Variants in USP25 observed in about 807,000 individuals in gnomAD.
The protein encoded by USP25 is ubiquitin carboxyl-terminal hydrolase 25.
USP25 carries 85 observed loss-of-function variants against 158.5 expected under a neutral mutation model. The observed-to-expected ratio is 0.54, with a 90% CI of 0.45 to 0.64. The LOEUF is 0.64. USP25 is among the 30% of genes least tolerant of loss of function. The pLI, the probability that USP25 is intolerant of heterozygous loss-of-function variation, is 0.00. For synonymous variants in USP25, 464 were observed against 460.4 expected (o/e 1.01, Z -0.10); for missense variants, 1,242 against 1,327.3 (o/e 0.94, Z 1.00).
chr21:15,808,759 A>ATTTT, intron 7 of USP25, 50 bp from the exon 8 acceptor site: 1 of 1,219,854 alleles, frequency 8.2e-7, no homozygotes. Context: ...AACATCTAGT[A>ATTTT]TTTTTTTTTT....
rs2297249 is a variant in USP25 at position 15,874,655 on chromosome 21, G to A, written c.3009+129G>A. 2.5e-4 allele frequency: 214 copies of A among 869,548 alleles called. No homozygotes were observed. The East Asian group carries it at 5.7e-3, about 23-fold the overall frequency. 53.9% of individuals were successfully genotyped at this position (869,548 alleles called of 1,614,324 possible). ...AGAACATGATGATGTCTATAAACTG[G>A]TTCTAGTCCCTTCAGATGGAAAAGT... On this transcript the variant is annotated intron_variant, in intron 24 of 25. Transcript: ENST00000400183.
intron 17 of USP25, 63 bp from the exon 18 acceptor site, chr21:15,842,335 A>G: frequency 6.6e-7 from 1 of 1,505,932 alleles, no homozygotes; most frequent in Non-Finnish European, 8.9e-7. Context: ...TGAATAAAAG[A>G]TTTATCTTAG....
intron 18 of USP25, among the ~76,000 whole-genome samples, chr21:15,847,176 G>A (rs1568884204): frequency 1.3e-5 from 2 of 152,142 alleles, no homozygotes; most frequent in Non-Finnish European, 2.9e-5. Flanking sequence ...ATTCTGATGA[G>A]TTTAGAGGAG....
chr21:15,878,583 A>G lies in USP25; in HGVS notation c.*108A>G. 1 of 1,234,010 alleles carries G rather than the reference A, an allele frequency of 8.1e-7. No homozygotes were observed. Among genetic ancestry groups the G allele is most frequent in the Non-Finnish European group, 1.1e-6 (1 of 923,274 alleles). 76.4% of individuals were successfully genotyped at this position (1,234,010 alleles called of 1,614,324 possible). A position where few individuals can be genotyped will look rare whatever the true frequency, so the allele number is the denominator to read the frequency against. ...CTGCTATAGTTTTTAACTTTTTTTT[A>G]TTTTAATAACTGCAAAAGACAAAAT... is the stretch of plus-strand genomic sequence containing the variant. On this transcript the variant is annotated 3_prime_UTR_variant, in exon 26 of 26. Coordinates refer to ENST00000400183, the MANE Select transcript of USP25 (RefSeq NM_001283041.3).
chr21:15,781,983 C>T (rs946026451), intron 4 of USP25, among the ~76,000 whole-genome samples: 13 of 152,166 alleles, frequency 8.5e-5, no homozygotes, highest in African/African-American at 3.1e-4. Flanking sequence ...GGCCAGTAGC[C>T]ACCCTGTATC....
chr21:15,857,933 A>C (rs2039236555), intron 20 of USP25, among the ~76,000 whole-genome samples: 1 of 152,048 alleles, frequency 6.6e-6, no homozygotes, highest in Admixed American at 6.5e-5. Flanking sequence ...CGCTGACTTG[A>C]CACATATACT....
At chr21:15,861,017 A>G (rs1395619703) in intron 20 of USP25, among the ~76,000 whole-genome samples, 2 of 151,376 alleles carry the variant, frequency 1.3e-5, no homozygotes, top group Non-Finnish European at 2.9e-5. Context: ...AATTAAGTCC[A>G]TAAGAAGTTA....
chr21:15,768,851 A>G (rs2034187270), intron 3 of USP25, among the ~76,000 whole-genome samples: 1 of 152,050 alleles, frequency 6.6e-6, no homozygotes, highest in Non-Finnish European at 1.5e-5. Context: ...GAGGTATAAA[A>G]TCTCTTAAAA....
intron 20 of USP25, among the ~76,000 whole-genome samples, chr21:15,861,651 A>C (rs16990721): frequency 0.018 from 2,674 of 152,228 alleles, 71 homozygotes; most frequent in African/African-American, 0.061. Flanking sequence ...AAAAGCCAAA[A>C]ATTTCTTAAG....
chr21:15,851,276 CA>C (rs1183648321), intron 20 of USP25, among the ~76,000 whole-genome samples: 1 of 152,042 alleles, frequency 6.6e-6, no homozygotes, highest in Non-Finnish European at 1.5e-5. Context: ...TATAAATAAT[CA>C]CCTAATTGTA....
At chr21:15,842,175 G>A (rs2038367242) in intron 17 of USP25, among the ~76,000 whole-genome samples, 1 of 152,076 alleles carries the variant, frequency 6.6e-6, no homozygotes, top group Non-Finnish European at 1.5e-5. Flanking sequence ...AAACTATAAT[G>A]AGAGCTTTCT....
At position 15,854,785 on chromosome 21, in the gene USP25, C is replaced by T. The variant is rs184384173; in HGVS notation, c.2547+4913C>T. ...ACCACAGGCCATCATCCCACGTGAA[C>T]GTCTACCCAATAAGAATGCAGTATG... On this transcript the variant is annotated intron_variant, in intron 20 of 25. Transcript: ENST00000400183. Among the ~76,000 whole-genome samples the T allele has an allele frequency of 4.9e-4, 74 of 152,152 alleles. 1 individual carries two copies. The highest frequency in any genetic ancestry group is 1.9e-4 in the Non-Finnish European group (13 of 68,010).
intron 20 of USP25, among the ~76,000 whole-genome samples, chr21:15,856,510 C>T (rs979362417): frequency 2.7e-4 from 41 of 151,238 alleles, no homozygotes; most frequent in African/African-American, 8.3e-4. Context: ...CTCGCTCTGT[C>T]GCCCAGGCTG....
rs372290319 is a variant in USP25 at position 15,749,141 on chromosome 21, A to G, written c.46-13750A>G. Among the ~76,000 whole-genome samples, 143 of 152,306 alleles carry G rather than the reference A, an allele frequency of 9.4e-4. 1 individual carries two copies. Among genetic ancestry groups the G allele is most frequent in the African/African-American group, 3.3e-3 (139 of 41,564 alleles). Reference sequence around the variant, plus strand: ...TTGCTGTGAATAAGAGGTAACAATTATAGCTTACCTATAAGTTAGCGCCAA... The same window carrying G: ...TTGCTGTGAATAAGAGGTAACAATTGTAGCTTACCTATAAGTTAGCGCCAA... On this transcript the variant is annotated intron_variant, in intron 1 of 25. Transcript: ENST00000400183.
At chr21:15,820,733 A>G (rs150436166) in intron 10 of USP25, among the ~76,000 whole-genome samples, 5 of 152,128 alleles carry the variant, frequency 3.3e-5, no homozygotes, top group African/African-American at 1.2e-4. Context: ...ATTACAGACT[A>G]TTTCTAAATT....
chr21:15,754,981 G>A (rs2033280467), intron 1 of USP25, among the ~76,000 whole-genome samples: 1 of 152,218 alleles, frequency 6.6e-6, no homozygotes, highest in South Asian at 2.1e-4. Context: ...TGTAGTGTTA[G>A]CAGGTAGATG....
chr21:15,784,295 G>A (rs1251826594), intron 4 of USP25, among the ~76,000 whole-genome samples: 1 of 152,184 alleles, frequency 6.6e-6, no homozygotes, highest in East Asian at 1.9e-4. Flanking sequence ...AGATGTGGCT[G>A]GGCGTGGTGG....
Position 15,878,942 on chromosome 21 carries a change from G to A in USP25, c.*467G>A, listed in dbSNP as rs917475202. Reference sequence around the variant, plus strand: ...TTGTAAGCAGGTATATTGTATATTAGTGTATTAGTAATACTAGATAAATGA... The same window carrying A: ...TTGTAAGCAGGTATATTGTATATTAATGTATTAGTAATACTAGATAAATGA... On this transcript the variant is annotated 3_prime_UTR_variant, in exon 26 of 26. Coordinates refer to ENST00000400183, the MANE Select transcript of USP25 (RefSeq NM_001283041.3). 3 of 152,638 alleles carry A rather than the reference G, an allele frequency of 2.0e-5. No individual in the cohort carries two copies. The highest frequency in any genetic ancestry group is 7.3e-5 in the African/African-American group (3 of 41,368). 9.5% of individuals were successfully genotyped at this position (152,638 alleles called of 1,614,324 possible). A position where few individuals can be genotyped will look rare whatever the true frequency, so the allele number is the denominator to read the frequency against.
At chr21:15,837,742 A>G (rs969310259) in intron 17 of USP25, among the ~76,000 whole-genome samples, 4 of 152,160 alleles carry the variant, frequency 2.6e-5, no homozygotes, top group Non-Finnish European at 4.4e-5. Context: ...ATTGGAATGA[A>G]GTGTATTGCG....
Sources: gnomAD v4.1 joint callset for allele counts (sites outside exome capture counted in the v4.1 genomes callset) on GRCh38, gnomAD v4.1.1 for gene constraint, MANE v1.5 for transcripts, NCBI Gene and HGNC (gene_info 2026-07-23, HGNC 2026-07-21) for gene names.